The following ASAP1 variants were observed in gnomAD, a reference collection of about 807,000 sequenced individuals.
ASAP1 encodes the protein ArfGAP with SH3 domain, ankyrin repeat and PH domain 1, also known as arf-GAP with SH3 domain, ANK repeat and PH domain-containing protein 1.
In ASAP1, 43 loss-of-function variants were observed where a neutral mutation model predicts 145.2. The observed-to-expected ratio is 0.30, with a 90% CI of 0.23 to 0.38. The LOEUF (loss-of-function observed/expected upper bound fraction) is 0.38. ASAP1 is among the 10% of genes least tolerant of loss of function. The pLI, the probability that ASAP1 is intolerant of heterozygous loss-of-function variation, is 1.00. For synonymous variants in ASAP1, 546 were observed against 515.5 expected, an observed-to-expected ratio of 1.06 and a Z score of -0.80; for missense variants, 1,018 against 1,355.3, an observed-to-expected ratio of 0.75 and a Z score of 3.91.
At chr8:130,077,809 G>A (rs1411744927) in intron 26 of ASAP1, among the ~76,000 whole-genome samples, 1 of 152,022 alleles carries the variant, frequency 6.6e-6, no homozygotes, top group Non-Finnish European at 1.5e-5. Context: ...CAGCTCACTT[G>A]AAATCCTCCT....
intron 3 of ASAP1, among the ~76,000 whole-genome samples, chr8:130,282,268 T>A (rs1821299603): frequency 6.6e-6 from 1 of 152,190 alleles, no homozygotes; most frequent in Non-Finnish European, 1.5e-5. Flanking sequence ...GAAACCACTA[T>A]TTCCCTACTT....
chr8:130,152,961 A>T (rs1011599331), intron 12 of ASAP1, among the ~76,000 whole-genome samples, 156 bp from the exon 13 acceptor site: 1 of 152,142 alleles, frequency 6.6e-6, no homozygotes, highest in African/African-American at 2.4e-5. Context: ...TTATTATCCC[A>T]GGTGGAAGGT....
At chr8:130,123,036 T>G (rs2097569076) in intron 18 of ASAP1, among the ~76,000 whole-genome samples, 1 of 152,234 alleles carries the variant, frequency 6.6e-6, no homozygotes, top group South Asian at 2.1e-4. Context: ...CAAATTAACT[T>G]TTGAAAAGCC....
intron 25 of ASAP1, among the ~76,000 whole-genome samples, chr8:130,087,426 A>G (rs961319094): frequency 1.3e-5 from 2 of 152,150 alleles, no homozygotes; most frequent in Non-Finnish European, 1.5e-5. Context: ...AGACTGAGGC[A>G]GGAGAATTGC....
intron 2 of ASAP1, among the ~76,000 whole-genome samples, chr8:130,376,808 C>T (rs536160955): frequency 1.1e-3 from 159 of 143,996 alleles, no homozygotes; most frequent in African/African-American, 3.7e-3. Flanking sequence ...GAGGCTGAGG[C>T]AGGAGAATCG....
At chr8:130,343,291 G>A (rs950280950) in intron 3 of ASAP1, among the ~76,000 whole-genome samples, 88 of 152,190 alleles carry the variant, frequency 5.8e-4, no homozygotes, top group African/African-American at 1.9e-3. Context: ...GGGCTGATAA[G>A]GCAGAGCTAC....
chr8:130,180,464 C>T (rs1396920553), intron 8 of ASAP1, among the ~76,000 whole-genome samples: 1 of 152,204 alleles, frequency 6.6e-6, no homozygotes, highest in Non-Finnish European at 1.5e-5. Flanking sequence ...TTACCTCTCA[C>T]CAATGTTTTC....
At chr8:130,069,825 A>G (rs893521925) in intron 27 of ASAP1, among the ~76,000 whole-genome samples, 2 of 152,206 alleles carry the variant, frequency 1.3e-5, no homozygotes, top group African/African-American at 2.4e-5. Flanking sequence ...GCCTGGGGCA[A>G]AAATGGGGCA....
At chr8:130,278,217 G>A (rs564955379) in intron 3 of ASAP1, among the ~76,000 whole-genome samples, 7 of 152,196 alleles carry the variant, frequency 4.6e-5, no homozygotes, top group African/African-American at 1.4e-4. Flanking sequence ...TGTTACACAC[G>A]CTTTTCATTG....
At chr8:130,131,718 A>AGACTGAG (rs2097583426) in intron 15 of ASAP1, among the ~76,000 whole-genome samples, 2 of 151,416 alleles carry the variant, frequency 1.3e-5, no homozygotes, top group Non-Finnish European at 2.9e-5. Context: ...TGAGCCTGGG[A>AGACTGAG]GACTGAGGAC....
chr8:130,352,446 T>G (rs1262014443), intron 3 of ASAP1, among the ~76,000 whole-genome samples: 1 of 152,146 alleles, frequency 6.6e-6, no homozygotes, highest in African/African-American at 2.4e-5. Flanking sequence ...CTTAAGGACC[T>G]AACAGTATTT....
At chr8:130,357,270 G>T (rs1332570357) in intron 3 of ASAP1, among the ~76,000 whole-genome samples, 1 of 152,012 alleles carries the variant, frequency 6.6e-6, no homozygotes, top group Admixed American at 6.6e-5. Context: ...TGTCGCCTCG[G>T]GCCTCCCTTC....
At chr8:130,213,307 C>G (rs903285347) in intron 5 of ASAP1, among the ~76,000 whole-genome samples, 2 of 152,158 alleles carry the variant, frequency 1.3e-5, no homozygotes, top group Non-Finnish European at 2.9e-5. Context: ...TGGCATACAT[C>G]GCCAATTAGA....
At chr8:130,332,451 C>T (rs1316016838) in intron 3 of ASAP1, among the ~76,000 whole-genome samples, 3 of 152,174 alleles carry the variant, frequency 2.0e-5, no homozygotes, top group Non-Finnish European at 4.4e-5. Flanking sequence ...CTTTAGTTTA[C>T]AGTTTCATTA....
chr8:130,394,286 G>A (rs555598084), intron 2 of ASAP1, among the ~76,000 whole-genome samples: 5 of 152,156 alleles, frequency 3.3e-5, no homozygotes, highest in African/African-American at 9.7e-5. Context: ...AAGAGAATGC[G>A]CCCCTGAGGG....
At chr8:130,150,566 CAA>C (rs780290106) in intron 13 of ASAP1, among the ~76,000 whole-genome samples, 4 of 152,178 alleles carry the variant, frequency 2.6e-5, no homozygotes, top group African/African-American at 4.8e-5. Context: ...CAGCAGAAGG[CAA>C]AGAGAGTTAG....
chr8:130,387,283 C>A (rs750135462), intron 2 of ASAP1, among the ~76,000 whole-genome samples: 3 of 152,168 alleles, frequency 2.0e-5, no homozygotes, highest in Non-Finnish European at 4.4e-5. Context: ...CACCTGTAAT[C>A]CCGGCATTTG....
chr8:130,383,249 C>G (rs192954415), intron 2 of ASAP1, among the ~76,000 whole-genome samples: 1 of 152,350 alleles, frequency 6.6e-6, no homozygotes, highest in East Asian at 1.9e-4. Flanking sequence ...TCCCCAGGCT[C>G]CAGCCCCTGG....
At chr8:130,337,712 C>A (rs1825122063) in intron 3 of ASAP1, among the ~76,000 whole-genome samples, 2 of 152,170 alleles carry the variant, frequency 1.3e-5, no homozygotes, top group African/African-American at 2.4e-5. Flanking sequence ...TGTTTTCATG[C>A]ATTTCTTTCC....
Sources: allele counts gnomAD v4.1 joint callset (sites outside exome capture counted in the v4.1 genomes callset), GRCh38; gene constraint gnomAD v4.1.1; transcripts MANE v1.5; gene names NCBI Gene and HGNC (gene_info 2026-07-23, HGNC 2026-07-21).